The following PLD1 variants were observed in gnomAD, a reference collection of about 807,000 sequenced individuals.
PLD1 encodes choline phosphatase 1.
Under a neutral mutation model 137.1 loss-of-function variants are expected in PLD1, and 112 were observed. That is an observed-to-expected ratio of 0.82 (90% CI 0.70 to 0.96). PLD1 has a LOEUF of 0.96. PLD1 is among the 40% of genes least tolerant of loss of function. The pLI is 0.00. For synonymous variants in PLD1, 431 were observed against 454.7 expected, an observed-to-expected ratio of 0.95 and a Z score of 0.66; for missense variants, 1,321 against 1,342.0, an observed-to-expected ratio of 0.98 and a Z score of 0.24.
chr3:171,704,488 T>C (rs563591173), intron 11 of PLD1, among the ~76,000 whole-genome samples: 1 of 147,580 alleles, frequency 6.8e-6, no homozygotes, highest in East Asian at 2.0e-4. Flanking sequence ...CCTTATCTTG[T>C]ACAGAAAAGG....
At chr3:171,737,774 T>C (rs1039876899) in intron 2 of PLD1, 115 bp from the exon 3 acceptor site, 1 of 1,331,358 alleles carries the variant, frequency 7.5e-7, no homozygotes, top group Middle Eastern at 2.6e-4. Flanking sequence ...TAAAATGATC[T>C]GAGCCCGGTG....
At position 171,724,163 on chromosome 3, in the gene PLD1, G is replaced by A. The variant is rs540897634; in HGVS notation, c.758+533C>T. Among the ~76,000 whole-genome samples, 58 of 152,306 alleles carry A rather than the reference G, an allele frequency of 3.8e-4. 1 individual carries two copies. Among genetic ancestry groups the A allele is most frequent in the African/African-American group, 1.4e-3 (57 of 41,572 alleles). ...TTCTCCTAGGTGAATCCCTGGAATT[G>A]CTGGGACATGTGGTAACTATGTTTA... On this transcript the variant is annotated intron_variant, in intron 8 of 26. Transcript: ENST00000351298.
intron 1 of PLD1, among the ~76,000 whole-genome samples, chr3:171,781,728 G>A (rs540623598): frequency 5.3e-5 from 8 of 152,200 alleles, no homozygotes; most frequent in South Asian, 2.1e-4. Flanking sequence ...TAAAAAGACC[G>A]TCAAACCCAA....
chr3:171,799,366 GAA>G (rs781275693), intron 1 of PLD1, among the ~76,000 whole-genome samples: 2 of 126,038 alleles, frequency 1.6e-5, no homozygotes, highest in African/African-American at 2.9e-5. Context: ...AAAAAAAGAG[GAA>G]AAAAAAAAAA....
At chr3:171,659,165 T>C in intron 21 of PLD1, 48 bp downstream of exon 21, 1 of 1,233,724 alleles carries the variant, frequency 8.1e-7, no homozygotes, top group Non-Finnish European at 1.2e-6. Flanking sequence ...ATTTTAGTAA[T>C]AAATACAAGA....
At chr3:171,747,969 G>A (rs1720366466) in intron 1 of PLD1, among the ~76,000 whole-genome samples, 1 of 152,220 alleles carries the variant, frequency 6.6e-6, no homozygotes, top group Non-Finnish European at 1.5e-5. Flanking sequence ...ATATGAAGTT[G>A]TCTGTGTTTA....
chr3:171,642,184 G>A (rs1225069285), intron 23 of PLD1, among the ~76,000 whole-genome samples: 1 of 152,096 alleles, frequency 6.6e-6, no homozygotes, highest in Admixed American at 6.5e-5. Flanking sequence ...GCTGCACATG[G>A]TGGCTCACAC....
intron 8 of PLD1, among the ~76,000 whole-genome samples, chr3:171,723,288 T>C (rs887541148): frequency 5.3e-5 from 8 of 152,194 alleles, no homozygotes; most frequent in Non-Finnish European, 1.0e-4. Context: ...GATCCATCCA[T>C]GTTGCAATGA....
chr3:171,782,469 GGAGT>G (rs1722832565), intron 1 of PLD1, among the ~76,000 whole-genome samples: 3 of 152,324 alleles, frequency 2.0e-5, no homozygotes, highest in African/African-American at 7.2e-5. Context: ...GAAATGTTTA[GGAGT>G]GAGTGTACTG....
chr3:171,685,988 GCA>G (rs1238779684), intron 16 of PLD1, among the ~76,000 whole-genome samples: 3 of 152,062 alleles, frequency 2.0e-5, no homozygotes, highest in Non-Finnish European at 4.4e-5. Flanking sequence ...GCACGGTCAT[GCA>G]CGCCTATAAT....
intron 1 of PLD1, among the ~76,000 whole-genome samples, chr3:171,763,715 T>C (rs957011417): frequency 2.6e-5 from 4 of 152,122 alleles, no homozygotes; most frequent in African/African-American, 9.7e-5. Context: ...GGTGTATGTA[T>C]GTGTATATGT....
At position 171,603,302 on chromosome 3, in the gene PLD1, C is replaced by T. The variant is rs1320408193; in HGVS notation, c.3001G>A (p.Val1001Ile). The T allele has an allele frequency of 3.1e-6, 5 of 1,609,754 alleles. No individual in the cohort carries two copies. The Middle Eastern group carries it at 5.0e-4, about 160-fold the overall frequency. ...TCATCATTGGGAAGGCACCGGAAAA[C>T]CTGATTAGAGCATAAATAGAAAAAT... Reference protein sequence around the residue: ...AARNATIYDKVFRCLPNDEVH... With the variant: ...AARNATIYDKIFRCLPNDEVH... The change falls in exon 27 of 27, where the codon GTT becomes ATT. Residue 1001 changes from valine to isoleucine, a missense_variant and splice_region_variant. Val to Ile is a conservative substitution (Grantham distance 29). Coordinates refer to ENST00000351298, the MANE Select transcript of PLD1 (RefSeq NM_002662.5).
At chr3:171,807,225 TTGAGCCTAGGAGGTCAAGG>T (rs748241404) in intron 1 of PLD1, among the ~76,000 whole-genome samples, 1,913 of 152,216 alleles carry the variant, frequency 0.013, 27 homozygotes, top group Non-Finnish European at 0.015. Flanking sequence ...GGAGTATCAC[TTGAGCCTAGGAGGTCAAGG>T]CTGTTGTGCC....
intron 1 of PLD1, among the ~76,000 whole-genome samples, chr3:171,798,088 G>T (rs1052966106): frequency 6.6e-6 from 1 of 152,208 alleles, no homozygotes; most frequent in Non-Finnish European, 1.5e-5. Flanking sequence ...AGGTAACACC[G>T]CTACTTAAGT....
At chr3:171,670,426 T>C (rs1002252520) in intron 19 of PLD1, among the ~76,000 whole-genome samples, 8 of 152,300 alleles carry the variant, frequency 5.3e-5, no homozygotes, top group Non-Finnish European at 1.2e-4. Flanking sequence ...CTGAGGGTCC[T>C]AAAGCTAAGC....
At chr3:171,690,397 T>C (rs567906126) in intron 13 of PLD1, among the ~76,000 whole-genome samples, 2 of 152,332 alleles carry the variant, frequency 1.3e-5, no homozygotes, top group East Asian at 3.9e-4. Flanking sequence ...CTGGTAGTTT[T>C]AGGTTGAGTT....
chr3:171,783,244 T>C (rs1722862662), intron 1 of PLD1, among the ~76,000 whole-genome samples: 1 of 152,024 alleles, frequency 6.6e-6, no homozygotes, highest in South Asian at 2.1e-4. Context: ...GCGTGATTAA[T>C]TTAATGTCAT....
chr3:171,687,270 C>T (rs999532234), intron 15 of PLD1, 101 bp downstream of exon 15: 10 of 942,616 alleles, frequency 1.1e-5, no homozygotes, highest in African/African-American at 1.6e-5. Flanking sequence ...GCTCATTCTA[C>T]TCCATTACAG....
chr3:171,704,737 A>G (rs1446252124), intron 11 of PLD1, among the ~76,000 whole-genome samples: 1 of 152,248 alleles, frequency 6.6e-6, no homozygotes, highest in African/African-American at 2.4e-5. Flanking sequence ...CAAACCTCAC[A>G]GGATAGGCTC....
Sources: gnomAD v4.1 joint callset for allele counts (sites outside exome capture counted in the v4.1 genomes callset) on GRCh38, gnomAD v4.1.1 for gene constraint, MANE v1.5 for transcripts, NCBI Gene and HGNC (gene_info 2026-07-23, HGNC 2026-07-21) for gene names.